CNTNAP2: variants seen among roughly 807,000 people sequenced by gnomAD.
CNTNAP2 encodes the protein contactin-associated protein-like 2.
Under a neutral mutation model 155.2 loss-of-function variants are expected in CNTNAP2, and 98 were observed. The observed-to-expected ratio is 0.63, with a 90% confidence interval of 0.54 to 0.75. The LOEUF (loss-of-function observed/expected upper bound fraction) is 0.75, where lower values mean the gene tolerates loss of function less well. CNTNAP2 is among the 30% of genes least tolerant of loss of function. The pLI is 0.00. For synonymous variants in CNTNAP2, 651 were observed against 631.2 expected (o/e 1.03, Z -0.47); for missense variants, 1,727 against 1,688.1 (o/e 1.02, Z -0.40).
At chr7:146,377,884 A>AG (rs1338184695) in intron 1 of CNTNAP2, among the ~76,000 whole-genome samples, 1 of 152,250 alleles carries the variant, frequency 6.6e-6, no homozygotes, top group Non-Finnish European at 1.5e-5. Flanking sequence ...CTGATTCAAT[A>AG]GGCCCAACGT....
intron 13 of CNTNAP2, among the ~76,000 whole-genome samples, chr7:147,832,824 TA>T (rs1325116373): frequency 9.6e-6 from 1 of 104,044 alleles, no homozygotes; most frequent in Non-Finnish European, 1.8e-5. Flanking sequence ...TAGTTATATA[TA>T]TTTATTCTAT....
At chr7:146,403,073 C>A (rs1310235818) in intron 1 of CNTNAP2, among the ~76,000 whole-genome samples, 1 of 152,056 alleles carries the variant, frequency 6.6e-6, no homozygotes, top group African/African-American at 2.4e-5. Context: ...TTAATGAATT[C>A]TAATTGATAC....
intron 3 of CNTNAP2, among the ~76,000 whole-genome samples, chr7:146,994,107 A>G (rs938728043): frequency 6.6e-6 from 1 of 152,206 alleles, no homozygotes; most frequent in Non-Finnish European, 1.5e-5. Context: ...ATACAGCATC[A>G]AATTAAAAAC....
chr7:146,646,156 A>C (rs761291413), intron 1 of CNTNAP2, among the ~76,000 whole-genome samples: 167 of 152,198 alleles, frequency 1.1e-3, no homozygotes, highest in Non-Finnish European at 1.9e-3. Context: ...GTGAAAACAT[A>C]TCTGCTTAAA....
At chr7:147,755,478 A>G (rs924732334) in intron 13 of CNTNAP2, among the ~76,000 whole-genome samples, 1 of 151,946 alleles carries the variant, frequency 6.6e-6, no homozygotes, top group African/African-American at 2.4e-5. Context: ...AATATGGAAA[A>G]CCCATGTCTA....
chr7:147,952,075 C>A (rs1054766569), intron 14 of CNTNAP2, among the ~76,000 whole-genome samples: 3 of 151,578 alleles, frequency 2.0e-5, no homozygotes, highest in African/African-American at 7.3e-5. Flanking sequence ...AATGTTAATG[C>A]CAAAATTAAG....
intron 18 of CNTNAP2, among the ~76,000 whole-genome samples, chr7:148,193,736 T>A (rs1304684021): frequency 6.6e-6 from 1 of 152,070 alleles, no homozygotes; most frequent in African/African-American, 2.4e-5. Flanking sequence ...CCTCTGGCCA[T>A]CAGTCATAGT....
At chr7:148,169,425 C>A (rs1041050490) in intron 17 of CNTNAP2, among the ~76,000 whole-genome samples, 1 of 151,968 alleles carries the variant, frequency 6.6e-6, no homozygotes, top group African/African-American at 2.4e-5. Flanking sequence ...TTCATCCTAG[C>A]AATTAGACTT....
At position 148,124,129 on chromosome 7, in the gene CNTNAP2, C is replaced by T. The variant is rs554706700; in HGVS notation, c.2554+5841C>T. 4.6e-5 allele frequency among the ~76,000 whole-genome samples: 7 copies of T among 152,256 alleles called. No homozygotes were observed. In the East Asian group the frequency reaches 1.4e-3, roughly 29 times the overall value. The stretch of plus-strand genomic sequence containing the variant: ...GGGACTGGCTGAAGGAGCAAGGTCC[C>T]CATGGCTGTGGGCATGAGGTAGACC... On this transcript the variant is annotated intron_variant, in intron 16 of 23. Coordinates refer to ENST00000361727, the MANE Select transcript of CNTNAP2 (RefSeq NM_014141.6).
At chr7:146,702,793 ATGT>A (rs1563195266) in intron 1 of CNTNAP2, among the ~76,000 whole-genome samples, 5 of 152,136 alleles carry the variant, frequency 3.3e-5, no homozygotes, top group African/African-American at 2.4e-5. Flanking sequence ...TCAAAAATTA[ATGT>A]TGTGTGCTTT....
chr7:147,209,131 T>G (rs562292973), intron 8 of CNTNAP2, among the ~76,000 whole-genome samples: 1 of 152,090 alleles, frequency 6.6e-6, no homozygotes, highest in Non-Finnish European at 1.5e-5. Context: ...AAAATGATAT[T>G]GCTAGATTGA....
At chr7:147,649,908 T>C (rs1795424417) in intron 13 of CNTNAP2, among the ~76,000 whole-genome samples, 1 of 151,986 alleles carries the variant, frequency 6.6e-6, no homozygotes, top group Admixed American at 6.6e-5. Flanking sequence ...AAGGATAAAA[T>C]AATGTAACAA....
intron 10 of CNTNAP2, among the ~76,000 whole-genome samples, chr7:147,412,984 G>T (rs1187882407): frequency 6.6e-6 from 1 of 152,188 alleles, no homozygotes; most frequent in Non-Finnish European, 1.5e-5. Context: ...ACACATTCCA[G>T]AGACACTGTC....
chr7:146,361,377 C>T (rs1309760882), intron 1 of CNTNAP2, among the ~76,000 whole-genome samples: 2 of 152,116 alleles, frequency 1.3e-5, no homozygotes, highest in African/African-American at 2.4e-5. Context: ...TGTAACCAGT[C>T]CCCCACGTGT....
intron 3 of CNTNAP2, among the ~76,000 whole-genome samples, chr7:146,901,056 A>T (rs565473147): frequency 1.7e-3 from 251 of 147,454 alleles, no homozygotes; most frequent in African/African-American, 6.0e-3. Context: ...TAATAATAAT[A>T]ATGTTTCTTT....
intron 5 of CNTNAP2, among the ~76,000 whole-genome samples, chr7:147,112,859 T>C (rs1800909640): frequency 1.3e-5 from 2 of 152,084 alleles, no homozygotes; most frequent in African/African-American, 4.8e-5. Context: ...GTTGTTGTTG[T>C]ATATCCACCA....
rs190721181 is a variant in CNTNAP2, at chr7:147,047,501, C to T, written c.550+3447C>T. Among the ~76,000 whole-genome samples, 849 of 152,084 alleles carry T rather than the reference C, an allele frequency of 5.6e-3. 14 individuals carry two copies. The highest frequency in any genetic ancestry group is 0.019 in the African/African-American group (788 of 41,466). On this transcript the variant is annotated intron_variant, in intron 4 of 23. Coordinates refer to ENST00000361727, the MANE Select transcript of CNTNAP2 (RefSeq NM_014141.6). Reference sequence around the variant, plus strand: ...ATCTATCTATTTATATATCTATCATCTATATAGCAATCATCTGTTTGATTG... The same window carrying T: ...ATCTATCTATTTATATATCTATCATTTATATAGCAATCATCTGTTTGATTG...
At chr7:148,179,664 CAA>C (rs1795002759) in intron 18 of CNTNAP2, among the ~76,000 whole-genome samples, 1 of 137,806 alleles carries the variant, frequency 7.3e-6, no homozygotes, top group African/African-American at 2.7e-5. Context: ...AGAGAGAGAA[CAA>C]GAGAGAGAAG....
chr7:147,045,217 C>G (rs756760564), intron 4 of CNTNAP2, among the ~76,000 whole-genome samples: 1 of 152,044 alleles, frequency 6.6e-6, no homozygotes, highest in Admixed American at 6.6e-5. Flanking sequence ...CTTATTAGCC[C>G]GTTTCCTACT....
Sources: gnomAD v4.1 joint callset for allele counts (sites outside exome capture counted in the v4.1 genomes callset) on GRCh38, gnomAD v4.1.1 for gene constraint, MANE v1.5 for transcripts, NCBI Gene and HGNC (gene_info 2026-07-23, HGNC 2026-07-21) for gene names.